The following DAB1 variants were observed in gnomAD, a reference collection of about 807,000 sequenced individuals.
DAB1 encodes the protein DAB adaptor protein 1, also known as disabled homolog 1.
In DAB1, 15 loss-of-function variants were observed where a neutral mutation model predicts 64.6. The observed-to-expected ratio is 0.23, with a 90% CI of 0.16 to 0.36. DAB1 has a LOEUF of 0.36. Among genes scored for constraint, DAB1 ranks in the 10% least tolerant of loss-of-function variants. DAB1 has a pLI of 1.00. For synonymous variants in DAB1, 235 were observed against 251.9 expected, an observed-to-expected ratio of 0.93 and a Z score of 0.64; for missense variants, 596 against 706.7, an observed-to-expected ratio of 0.84 and a Z score of 1.78.
At chr1:57,062,753 G>A (rs1650526086) in intron 9 of DAB1, 131 bp downstream of exon 9, 1 of 728,956 alleles carries the variant, frequency 1.4e-6, no homozygotes, top group Non-Finnish European at 2.3e-6. Context: ...GCCCCAGCAT[G>A]CAGTCCCCAG....
chr1:57,711,129 G>A (rs1647023591), intron 6 of DAB1, among the ~76,000 whole-genome samples: 1 of 152,158 alleles, frequency 6.6e-6, no homozygotes, highest in Non-Finnish European at 1.5e-5. Flanking sequence ...TAGCAGAATT[G>A]GCTCCACTCA....
chr1:57,740,073 G>A (rs1402943411), intron 6 of DAB1, among the ~76,000 whole-genome samples: 1 of 117,374 alleles, frequency 8.5e-6, no homozygotes, highest in Non-Finnish European at 1.9e-5. Flanking sequence ...AATTCGCCAG[G>A]CGTGGTCGCA....
chr1:57,426,196 T>C (rs565164560), upstream of DAB1, among the ~76,000 whole-genome samples: 7 of 152,336 alleles, frequency 4.6e-5, no homozygotes, highest in South Asian at 4.1e-4. Context: ...TTCGTTCGGC[T>C]TTCTATTGAC....
intron 1 of DAB1, among the ~76,000 whole-genome samples, chr1:57,410,758 T>G (rs930410789): frequency 1.3e-5 from 2 of 152,240 alleles, no homozygotes; most frequent in African/African-American, 4.8e-5. Context: ...ACAGAAAATA[T>G]CAGAGTGGTA....
At chr1:57,072,067 A>AC (rs1651523635) in intron 5 of DAB1, among the ~76,000 whole-genome samples, 1 of 93,478 alleles carries the variant, frequency 1.1e-5, no homozygotes, top group South Asian at 2.9e-4. Context: ...CATTAGTTAA[A>AC]AAAAAAAAAA....
chr1:57,533,226 A>AG (rs1454626672), intron 7 of DAB1, among the ~76,000 whole-genome samples: 3 of 152,046 alleles, frequency 2.0e-5, no homozygotes, highest in African/African-American at 7.3e-5. Context: ...TCTGTACTGC[A>AG]GTTCCATTTT....
intron 2 of DAB1, among the ~76,000 whole-genome samples, chr1:57,234,778 T>C (rs1192110589): frequency 1.3e-5 from 2 of 152,208 alleles, no homozygotes; most frequent in African/African-American, 4.8e-5. Flanking sequence ...TCCAGGCTAT[T>C]GGCAGAATTC....
intron 7 of DAB1, among the ~76,000 whole-genome samples, chr1:57,556,497 T>C (rs1260387517): frequency 2.0e-5 from 3 of 152,198 alleles, no homozygotes; most frequent in Non-Finnish European, 2.9e-5. Flanking sequence ...TGGTATTACA[T>C]TGTGGTTTTG....
chr1:57,357,559 G>A (rs1179807308), intron 1 of DAB1, among the ~76,000 whole-genome samples: 1 of 91,128 alleles, frequency 1.1e-5, no homozygotes, highest in Non-Finnish European at 2.4e-5. Flanking sequence ...AAATGGGATT[G>A]TTTTCTTTGT....
At chr1:58,355,803 T>A (rs185869362) in intron 3 of DAB1, among the ~76,000 whole-genome samples, 52 of 152,308 alleles carry the variant, frequency 3.4e-4, no homozygotes, top group Admixed American at 7.8e-4. Flanking sequence ...TCCTGTGTTA[T>A]AAGAAAGCAA....
chr1:57,010,802 G>T lies in DAB1; in HGVS notation c.1573-12C>A, dbSNP rs778265900. 1 of 1,535,434 alleles carries T rather than the reference G, an allele frequency of 6.5e-7. No homozygotes were observed. The highest frequency in any genetic ancestry group is 8.8e-7 in the Non-Finnish European group (1 of 1,139,478). ...TGTGATCCATCAGGCTAGAACACAA[G>T]AAGATAATACTTTTTTTTTTCTCTC... On this transcript the variant is annotated splice_polypyrimidine_tract_variant and intron_variant, in intron 13 of 14. Transcript: ENST00000371236.
intron 1 of DAB1, among the ~76,000 whole-genome samples, chr1:57,328,122 G>A (rs545788421): frequency 4.6e-5 from 7 of 152,246 alleles, no homozygotes; most frequent in Non-Finnish European, 7.3e-5. Flanking sequence ...GACATTTCTC[G>A]CAGCTGCCAC....
intron 1 of DAB1, among the ~76,000 whole-genome samples, chr1:57,363,600 C>T (rs191960719): frequency 1.3e-5 from 2 of 152,236 alleles, no homozygotes; most frequent in East Asian, 3.9e-4. Flanking sequence ...GCGCTTGGCA[C>T]ATTCTAAGTT....
intron 9 of DAB1, among the ~76,000 whole-genome samples, chr1:57,047,350 T>C (rs1648638170): frequency 6.6e-6 from 1 of 152,194 alleles, no homozygotes; most frequent in African/African-American, 2.4e-5. Context: ...AAAATTCGTA[T>C]GTTAAAGCCC....
chr1:58,217,191 G>T (rs1025148768), intron 4 of DAB1, among the ~76,000 whole-genome samples: 10 of 152,190 alleles, frequency 6.6e-5, no homozygotes, highest in Non-Finnish European at 1.3e-4. Flanking sequence ...GAGCAAAAAA[G>T]AAAATGGAAG....
chr1:58,484,282 A>C (rs1368603900), intron 3 of DAB1, among the ~76,000 whole-genome samples: 2 of 152,120 alleles, frequency 1.3e-5, no homozygotes, highest in Non-Finnish European at 2.9e-5. Flanking sequence ...ACTTTTCTTT[A>C]AAAAAATCTT....
chr1:58,108,370 C>A (rs1007855581), intron 5 of DAB1, among the ~76,000 whole-genome samples: 1 of 152,120 alleles, frequency 6.6e-6, no homozygotes, highest in African/African-American at 2.4e-5. Context: ...GTGCTTGGAT[C>A]CATACTGAAT....
intron 1 of DAB1, among the ~76,000 whole-genome samples, chr1:57,872,278 T>A (rs1203405616): frequency 6.6e-6 from 1 of 152,166 alleles, no homozygotes. Context: ...TGGGACATAA[T>A]TAGCTCATGG....
rs1429992796 is a variant in DAB1 at position 57,381,787 on chromosome 1, C to A, written c.-137+42143G>T. Among the ~76,000 whole-genome samples, 2 of 152,124 alleles carry A rather than the reference C, an allele frequency of 1.3e-5. 1 individual carries two copies. The highest frequency in any genetic ancestry group is 4.1e-4 in the South Asian group (2 of 4,830). On this transcript the variant is annotated intron_variant, in intron 1 of 14. Transcript: ENST00000371236. The stretch of plus-strand genomic sequence containing the variant: ...ATAGGTTCTCTGCCCACATTCATCC[C>A]TTATTATTAACAATTGGGCATTGGT...
Sources: gnomAD v4.1 joint callset for allele counts (sites outside exome capture counted in the v4.1 genomes callset) on GRCh38, gnomAD v4.1.1 for gene constraint, MANE v1.5 for transcripts, NCBI Gene and HGNC (gene_info 2026-07-23, HGNC 2026-07-21) for gene names.